Variants in KAZN observed in about 807,000 individuals in gnomAD.
The protein encoded by KAZN is kazrin.
Under a neutral mutation model 87.4 loss-of-function variants are expected in KAZN, and 40 were observed. That is an observed-to-expected ratio of 0.46 (90% CI 0.36 to 0.60). The LOEUF (loss-of-function observed/expected upper bound fraction) is 0.60. KAZN is among the 20% of genes least tolerant of loss of function. KAZN has a pLI of 0.00. For missense variants in KAZN, 898 were observed against 1,073.9 expected (o/e 0.84, Z 2.29); for synonymous variants, 466 against 458.3 (o/e 1.02, Z -0.22).
At chr1:14,382,685 A>G (rs921851741) in intron 2 of KAZN, among the ~76,000 whole-genome samples, 4 of 146,952 alleles carry the variant, frequency 2.7e-5, no homozygotes, top group African/African-American at 7.4e-5. Flanking sequence ...TCCATGGTGT[A>G]TATGTGCCAC....
chr1:14,951,833 G>T (rs1572904632), intron 1 of KAZN, among the ~76,000 whole-genome samples: 1 of 152,248 alleles, frequency 6.6e-6, no homozygotes, highest in East Asian at 1.9e-4. Context: ...TTATTTTTAG[G>T]ATAAGCATCA....
chr1:14,644,508 C>T (rs1680664689), intron 1 of KAZN, among the ~76,000 whole-genome samples: 1 of 151,830 alleles, frequency 6.6e-6, no homozygotes, highest in African/African-American at 2.4e-5. Context: ...ACTACAGGCG[C>T]CTGCCACCAC....
chr1:15,073,709 A>G (rs1026531903), intron 8 of KAZN, among the ~76,000 whole-genome samples: 1 of 152,132 alleles, frequency 6.6e-6, no homozygotes, highest in Non-Finnish European at 1.5e-5. Flanking sequence ...CAGAAGCAGG[A>G]GTCAAACCTG....
At chr1:14,246,302 A>G (rs1304526431) in intron 2 of KAZN, among the ~76,000 whole-genome samples, 1 of 151,598 alleles carries the variant, frequency 6.6e-6, no homozygotes, top group Non-Finnish European at 1.5e-5. Flanking sequence ...GCAAACCTGC[A>G]CATCCTGAGC....
intron 1 of KAZN, among the ~76,000 whole-genome samples, chr1:14,094,982 G>A (rs985641695): frequency 6.6e-6 from 1 of 152,172 alleles, no homozygotes; most frequent in Non-Finnish European, 1.5e-5. Context: ...TGTGTCTTTA[G>A]GATGCTCACC....
intron 2 of KAZN, among the ~76,000 whole-genome samples, chr1:14,434,223 G>T (rs1235092586): frequency 6.6e-6 from 1 of 152,020 alleles, no homozygotes; most frequent in Non-Finnish European, 1.5e-5. Context: ...GGGCTATCAT[G>T]AAAAAAATCC....
intron 2 of KAZN, among the ~76,000 whole-genome samples, chr1:14,979,890 T>A (rs1242448068): frequency 1.3e-5 from 2 of 152,212 alleles, no homozygotes; most frequent in African/African-American, 4.8e-5. Context: ...TTTTATTTTT[T>A]AAATTTATTT....
At chr1:14,826,259 T>C (rs12127407) in intron 1 of KAZN, among the ~76,000 whole-genome samples, 12,275 of 152,322 alleles carry the variant, frequency 0.081, 537 homozygotes, top group Admixed American at 0.12. Context: ...TTTCCCAGCA[T>C]GTGACCAGGA....
At chr1:14,286,276 C>A (rs1380862040) in intron 2 of KAZN, among the ~76,000 whole-genome samples, 1 of 152,226 alleles carries the variant, frequency 6.6e-6, no homozygotes, top group Non-Finnish European at 1.5e-5. Context: ...GCATTCTTAT[C>A]TCCTTGTCTT....
In KAZN at chr1:14,127,984, G is replaced by T. The variant is rs564662043; in HGVS notation, c.92-52451G>T. 4.6e-5 allele frequency among the ~76,000 whole-genome samples: 7 copies of T among 152,284 alleles called. No individual in the cohort carries two copies. In the South Asian group the frequency reaches 1.4e-3, roughly 32 times the overall value. ...CTGAATGGGATTTGAGGGCAAGAGG[G>T]AGTCAGAGTCCAAGTTTACAAGACG... On this transcript the variant is annotated intron_variant, in intron 1 of 16. Transcript: ENST00000636203.
chr1:14,234,214 C>T (rs1226002845), intron 2 of KAZN, among the ~76,000 whole-genome samples: 1 of 152,162 alleles, frequency 6.6e-6, no homozygotes, highest in African/African-American at 2.4e-5. Context: ...GAATACTATA[C>T]TATGCAGCCA....
rs548038786 is a variant in KAZN, at chr1:13,983,110, T to C, written c.91+89354T>C. On this transcript the variant is annotated intron_variant, in intron 1 of 16. Transcript: ENST00000636203. ...AGCCCAGCTGGCTTCACCCAGTGGA[T>C]CTCGCACGGGGGCTGCAGGTGGAGC... is the stretch of plus-strand genomic sequence containing the variant. 1.0e-3 allele frequency among the ~76,000 whole-genome samples: 155 copies of C among 152,364 alleles called. 1 individual carries two copies. The Middle Eastern group carries it at 0.014, about 13-fold the overall frequency.
At chr1:14,099,922 T>G (rs1450763837) in intron 1 of KAZN, among the ~76,000 whole-genome samples, 1 of 152,214 alleles carries the variant, frequency 6.6e-6, no homozygotes. Context: ...TACTCCCTTC[T>G]TACCTTTCTC....
At chr1:13,989,574 AT>A (rs1639185388) in intron 1 of KAZN, among the ~76,000 whole-genome samples, 1 of 115,958 alleles carries the variant, frequency 8.6e-6, no homozygotes, top group African/African-American at 2.9e-5. Flanking sequence ...GGAGCAAAGC[AT>A]TCATTCATTC....
chr1:14,873,978 A>G (rs536985534), intron 1 of KAZN, among the ~76,000 whole-genome samples: 1 of 152,266 alleles, frequency 6.6e-6, no homozygotes, highest in African/African-American at 2.4e-5. Context: ...CTTGAAATAG[A>G]GAAGACAGGG....
At chr1:13,924,576 C>T (rs568805394) in intron 1 of KAZN, among the ~76,000 whole-genome samples, 1 of 152,338 alleles carries the variant, frequency 6.6e-6, no homozygotes, top group African/African-American at 2.4e-5. Context: ...TCCCTGTGCT[C>T]ACTGAGATAA....
chr1:14,956,061 T>C (rs1306693961), intron 1 of KAZN, among the ~76,000 whole-genome samples: 1 of 152,228 alleles, frequency 6.6e-6, no homozygotes, highest in Non-Finnish European at 1.5e-5. Context: ...GGTGTTTGTT[T>C]GGCATTACTT....
intron 2 of KAZN, among the ~76,000 whole-genome samples, chr1:15,011,837 TA>T (rs1469540493): frequency 1.3e-5 from 2 of 152,044 alleles, no homozygotes. Flanking sequence ...GGGCACCACT[TA>T]GCATCTTTAG....
chr1:14,543,528 T>C (rs188221326), intron 2 of KAZN, among the ~76,000 whole-genome samples: 1 of 152,318 alleles, frequency 6.6e-6, no homozygotes. Context: ...TCGGTACCTT[T>C]AGAAATTTAT....
Sources: gnomAD v4.1 joint callset for allele counts (sites outside exome capture counted in the v4.1 genomes callset) on GRCh38, gnomAD v4.1.1 for gene constraint, MANE v1.5 for transcripts, NCBI Gene and HGNC (gene_info 2026-07-23, HGNC 2026-07-21) for gene names.